The following RAB31 variants were observed in gnomAD, a reference collection of about 807,000 sequenced individuals.
RAB31 encodes ras-related protein Rab-31.
Under a neutral mutation model 25.6 loss-of-function variants are expected in RAB31, and 21 were observed. That is an observed-to-expected ratio of 0.82 (90% CI 0.58 to 1.18). RAB31 has a LOEUF of 1.18. Ranked by LOEUF, RAB31 falls within the 50% of genes most tolerant of loss-of-function variation. The pLI is 0.00. For synonymous variants in RAB31, 87 were observed against 84.0 expected (o/e 1.04, Z -0.20); for missense variants, 196 against 250.1 (o/e 0.78, Z 1.46).
intron 1 of RAB31, among the ~76,000 whole-genome samples, chr18:9,757,710 A>ATG (rs1282655358): frequency 2.0e-5 from 3 of 152,110 alleles, no homozygotes; most frequent in Non-Finnish European, 4.4e-5. Flanking sequence ...GTGTGTGTTC[A>ATG]TGTGTGTGCT....
At chr18:9,739,203 G>A (rs1286246691) in intron 1 of RAB31, among the ~76,000 whole-genome samples, 1 of 152,152 alleles carries the variant, frequency 6.6e-6, no homozygotes, top group Non-Finnish European at 1.5e-5. Context: ...GGCCAGGCAC[G>A]GTGGCTTACG....
intron 1 of RAB31, among the ~76,000 whole-genome samples, chr18:9,734,701 G>GC (rs1324064192): frequency 6.6e-6 from 1 of 152,186 alleles, no homozygotes; most frequent in Non-Finnish European, 1.5e-5. Flanking sequence ...AGTCTCTGGC[G>GC]CCTCAGCACT....
At chr18:9,798,569 T>C (rs1042409443) in intron 3 of RAB31, among the ~76,000 whole-genome samples, 1 of 152,240 alleles carries the variant, frequency 6.6e-6, no homozygotes, top group Admixed American at 6.5e-5. Context: ...TCACTTTGGG[T>C]TTATGATTTG....
At chr18:9,748,671 T>G (rs938771578) in intron 1 of RAB31, among the ~76,000 whole-genome samples, 3 of 151,792 alleles carry the variant, frequency 2.0e-5, no homozygotes, top group Admixed American at 1.3e-4. Context: ...GGCGGGCGGA[T>G]CACGAGCTCA....
At chr18:9,733,726 C>T (rs2068135032) in intron 1 of RAB31, among the ~76,000 whole-genome samples, 1 of 152,118 alleles carries the variant, frequency 6.6e-6, no homozygotes, top group Admixed American at 6.5e-5. Context: ...GGCTCAGACA[C>T]CACCTGCAGC....
At chr18:9,823,590 T>TA (rs145379191) in intron 5 of RAB31, among the ~76,000 whole-genome samples, 2,368 of 152,160 alleles carry the variant, frequency 0.016, 52 homozygotes, top group East Asian at 0.11. Flanking sequence ...GTTATCTCAG[T>TA]AAAAAATCTG....
chr18:9,797,481 T>A (rs2267571), intron 3 of RAB31: 63,707 of 151,982 alleles, frequency 0.42, 13,805 homozygotes, highest in African/African-American at 0.54. Context: ...ACTTTGAGGT[T>A]GAAACTGTCG....
intron 2 of RAB31, among the ~76,000 whole-genome samples, chr18:9,781,978 AGG>A (rs1335461064): frequency 6.6e-6 from 1 of 152,222 alleles, no homozygotes; most frequent in East Asian, 1.9e-4. Flanking sequence ...ATAGAGAATC[AGG>A]AGACTGGCAC....
intron 2 of RAB31, among the ~76,000 whole-genome samples, chr18:9,785,584 C>T (rs1054025553): frequency 5.3e-5 from 8 of 152,162 alleles, no homozygotes; most frequent in Non-Finnish European, 1.0e-4. Context: ...CTTCTCCTGT[C>T]CTCCTTTTAC....
In RAB31 at chr18:9,851,392, G is replaced by A. The variant is rs140326732; in HGVS notation, c.490+5701G>A. 3.7e-3 allele frequency among the ~76,000 whole-genome samples: 560 copies of A among 152,284 alleles called. 6 individuals are homozygous for A. Among genetic ancestry groups the A allele is most frequent in the African/African-American group, 0.013 (534 of 41,546 alleles). On this transcript the variant is annotated intron_variant, in intron 6 of 6. Transcript: ENST00000578921. The stretch of plus-strand genomic sequence containing the variant: ...CATAATAACAAGGTTTAATATGTAC[G>A]GAGCTCTGATTCTGTGCTTTTGTTG...
chr18:9,753,741 C>T (rs2068246897), intron 1 of RAB31, among the ~76,000 whole-genome samples: 1 of 152,112 alleles, frequency 6.6e-6, no homozygotes, highest in African/African-American at 2.4e-5. Context: ...CCCATTTCTA[C>T]AAGTAGCGCG....
intron 1 of RAB31, among the ~76,000 whole-genome samples, chr18:9,709,208 CG>C (rs1486984731): frequency 2.6e-5 from 4 of 152,150 alleles, no homozygotes; most frequent in East Asian, 1.9e-4. Context: ...CCGTGCGGCC[CG>C]GGGACTGCAG....
chr18:9,772,674 G>A (rs750239869), intron 1 of RAB31, among the ~76,000 whole-genome samples: 44 of 152,320 alleles, frequency 2.9e-4, no homozygotes, highest in East Asian at 7.7e-4. Context: ...AGAAATGAGC[G>A]TGGTCGGTGT....
chr18:9,848,432 C>A (rs1310008036), intron 6 of RAB31, among the ~76,000 whole-genome samples: 3 of 152,242 alleles, frequency 2.0e-5, no homozygotes, highest in African/African-American at 7.2e-5. Context: ...ATCTGTCCAT[C>A]TGTCCGCCTG....
At chr18:9,719,801 C>G (rs2068065341) in intron 1 of RAB31, among the ~76,000 whole-genome samples, 1 of 152,158 alleles carries the variant, frequency 6.6e-6, no homozygotes, top group Admixed American at 6.5e-5. Context: ...AAAGAGGCAT[C>G]CAAGGCTTCG....
chr18:9,836,230 A>T (rs989696988), intron 5 of RAB31, among the ~76,000 whole-genome samples: 12 of 152,038 alleles, frequency 7.9e-5, no homozygotes, highest in Non-Finnish European at 1.8e-4. Flanking sequence ...AAAAACATGT[A>T]AGGAGACGTT....
At chr18:9,757,679 C>T (rs2068266822) in intron 1 of RAB31, among the ~76,000 whole-genome samples, 2 of 152,118 alleles carry the variant, frequency 1.3e-5, no homozygotes, top group African/African-American at 2.4e-5. Context: ...TGTGTGTGCA[C>T]ATGTATGCAT....
chr18:9,764,335 C>T lies in RAB31; in HGVS notation c.40-10943C>T, dbSNP rs73940021. Among the ~76,000 whole-genome samples the T allele has an allele frequency of 2.4e-3, 360 of 152,296 alleles. 2 individuals carry two copies. Among genetic ancestry groups the T allele is most frequent in the African/African-American group, 8.0e-3 (331 of 41,570 alleles). On this transcript the variant is annotated intron_variant, in intron 1 of 6. Coordinates refer to ENST00000578921, the MANE Select transcript of RAB31 (RefSeq NM_006868.4). ...CTGTCCTTGCATACTGCTGACTGCACGTACGGTGAATCAGTGGATGAATTC... is the reference window on the plus strand; with the variant it reads ...CTGTCCTTGCATACTGCTGACTGCATGTACGGTGAATCAGTGGATGAATTC...
rs2068846703 is a variant in RAB31 at position 9,861,385 on chromosome 18, T to G, written c.*2060T>G. 1 of 152,206 alleles carries G rather than the reference T, an allele frequency of 6.6e-6. No individual in the cohort carries two copies. 9.4% of individuals were successfully genotyped at this position (152,206 alleles called of 1,614,324 possible). Reference sequence around the variant, plus strand: ...CCCATGGTTTTATTTCAGAAGCACATGAGGGTGTGAAACCACTCTGTTACC... The same window carrying G: ...CCCATGGTTTTATTTCAGAAGCACAGGAGGGTGTGAAACCACTCTGTTACC... On this transcript the variant is annotated 3_prime_UTR_variant, in exon 7 of 7. Coordinates refer to ENST00000578921, the MANE Select transcript of RAB31 (RefSeq NM_006868.4).
Sources: allele counts gnomAD v4.1 joint callset (sites outside exome capture counted in the v4.1 genomes callset), GRCh38; gene constraint gnomAD v4.1.1; transcripts MANE v1.5; gene names NCBI Gene and HGNC (gene_info 2026-07-23, HGNC 2026-07-21).